Variants in TRDMT1 observed in about 807,000 individuals in gnomAD.
The protein encoded by TRDMT1 is tRNA (cytosine(38)-C(5))-methyltransferase.
A neutral mutation model predicts 51.2 loss-of-function variants in TRDMT1; 49 were observed. The observed-to-expected ratio is 0.96, with a 90% CI of 0.76 to 1.21. The LOEUF is 1.21. Among genes scored for constraint, TRDMT1 ranks in the 50% most tolerant of loss-of-function variants. TRDMT1 has a pLI of 0.00. For synonymous variants in TRDMT1, 187 were observed against 164.6 expected (o/e 1.14, Z -1.04); for missense variants, 534 against 462.3 (o/e 1.16, Z -1.42).
rs1456194169 is a variant in TRDMT1, at chr10:17,172,674, CA to C, written c.174+1876del. Among the ~76,000 whole-genome samples the C allele has an allele frequency of 3.3e-5, 5 of 151,980 alleles. No individual in the cohort carries two copies. In the East Asian group the frequency reaches 9.6e-4, roughly 29 times the overall value. On this transcript the variant is annotated intron_variant, in intron 2 of 10. Transcript: ENST00000377799. ...CACATGCAAACTTTGATCTAAAACACAAGGATAAAAAGTGCTGAAAATTGTA... is the reference window on the plus strand; with the variant it reads ...CACATGCAAACTTTGATCTAAAACACAGGATAAAAAGTGCTGAAAATTGTA...
chr10:17,147,532 T>C lies in TRDMT1; in HGVS notation c.*1508A>G. The stretch of plus-strand genomic sequence containing the variant: ...CTTTCTCATCACCCCAATCAGAAAC[T>C]TTGTATCCATTATGCACTAACTACC... On this transcript the variant is annotated 3_prime_UTR_variant, in exon 11 of 11. Transcript: ENST00000377799. 1 of 199,616 alleles carries C rather than the reference T, an allele frequency of 5.0e-6. No individual in the cohort carries two copies. The highest frequency in any genetic ancestry group is 9.0e-6 in the Non-Finnish European group (1 of 111,324). The allele number at this position is 199,616 out of a possible 1,614,324, so 12.4% of individuals were successfully genotyped here. A position where few individuals can be genotyped will look rare whatever the true frequency, so the allele number is the denominator to read the frequency against.
Position 17,148,701 on chromosome 10 carries a change from T to C in TRDMT1, c.*339A>G. 6.1e-6 allele frequency: 6 copies of C among 988,526 alleles called. No individual in the cohort carries two copies. Among genetic ancestry groups the C allele is most frequent in the Non-Finnish European group, 7.2e-6 (6 of 831,414 alleles). 61.2% of individuals were successfully genotyped at this position (988,526 alleles called of 1,614,324 possible). On this transcript the variant is annotated 3_prime_UTR_variant, in exon 11 of 11. Transcript: ENST00000377799. ...ACATAAAAATATGTTATGCCTGTTA[T>C]GACACTTCACAAGATACTCATGTAG...
intron 1 of TRDMT1, chr10:17,201,335 A>G: frequency 2.0e-6 from 1 of 500,510 alleles, no homozygotes; most frequent in Non-Finnish European, 3.5e-6. Flanking sequence ...GGGCCCTTTG[A>G]GGCGCCATGT....
intron 1 of TRDMT1, among the ~76,000 whole-genome samples, chr10:17,179,684 A>C (rs1843033337): frequency 6.6e-6 from 1 of 151,696 alleles, no homozygotes; most frequent in Non-Finnish European, 1.5e-5. Context: ...ATATTTTTGA[A>C]AGAGTTTCAA....
In TRDMT1 at chr10:17,139,514, C is replaced by A. The variant is rs1226276888; in HGVS notation, c.*9526G>T. ...AAGAAAAAAACAGTTTGGTTCTCTTCTGGGAAGGAAAATGAAAAAAAAGAA... is the reference window on the plus strand; with the variant it reads ...AAGAAAAAAACAGTTTGGTTCTCTTATGGGAAGGAAAATGAAAAAAAAGAA... On this transcript the variant is annotated 3_prime_UTR_variant, in exon 11 of 11. Coordinates refer to ENST00000377799, the MANE Select transcript of TRDMT1 (RefSeq NM_004412.7). Among the ~76,000 whole-genome samples, 1 of 151,950 alleles carries A rather than the reference C, an allele frequency of 6.6e-6. No homozygotes were observed. Among genetic ancestry groups the A allele is most frequent in the Non-Finnish European group, 1.5e-5 (1 of 67,994 alleles).
intron 3 of TRDMT1, among the ~76,000 whole-genome samples, chr10:17,166,185 G>A (rs1588565807): frequency 6.6e-6 from 1 of 152,098 alleles, no homozygotes; most frequent in Non-Finnish European, 1.5e-5. Context: ...GGAATACTAT[G>A]CAGCCATAAA....
At chr10:17,174,355 C>T (rs1842393063) in intron 2 of TRDMT1, among the ~76,000 whole-genome samples, 196 bp downstream of exon 2, 1 of 152,148 alleles carries the variant, frequency 6.6e-6, no homozygotes, top group Non-Finnish European at 1.5e-5. Flanking sequence ...TATTGATCTC[C>T]CTGTCTATAG....
At chr10:17,196,643 A>G (rs776256157) in intron 1 of TRDMT1, among the ~76,000 whole-genome samples, 1 of 152,224 alleles carries the variant, frequency 6.6e-6, no homozygotes, top group Non-Finnish European at 1.5e-5. Context: ...TAAAAATGTA[A>G]TAGACATTGT....
In TRDMT1 at chr10:17,148,047, C is replaced by T. The variant is rs537760281; in HGVS notation, c.*993G>A. On this transcript the variant is annotated 3_prime_UTR_variant, in exon 11 of 11. Transcript: ENST00000377799. ...ACTTGTTTCTTTTCATCTCTCTTCT[C>T]TTTGTCACTTGCTTTTATCACAAAC... 70 of 985,266 alleles carry T rather than the reference C, an allele frequency of 7.1e-5. No individual in the cohort carries two copies. Among genetic ancestry groups the T allele is most frequent in the Non-Finnish European group, 8.4e-5 (70 of 829,784 alleles). 61.0% of individuals were successfully genotyped at this position (985,266 alleles called of 1,614,324 possible).
rs1837481312 is a variant in TRDMT1 at position 17,138,310 on chromosome 10, T to C, written c.*10730A>G. Among the ~76,000 whole-genome samples, 1 of 152,214 alleles carries C rather than the reference T, an allele frequency of 6.6e-6. No individual in the cohort carries two copies. Among genetic ancestry groups the C allele is most frequent in the Non-Finnish European group, 1.5e-5 (1 of 68,032 alleles). On this transcript the variant is annotated 3_prime_UTR_variant, in exon 11 of 11. Coordinates refer to ENST00000377799, the MANE Select transcript of TRDMT1 (RefSeq NM_004412.7). The stretch of plus-strand genomic sequence containing the variant: ...ATCTTTTAACCTTCATGACACTTAA[T>C]TCATTCTCTTTTTCAGGGACGTAAC...
At chr10:17,193,006 C>T (rs1844900636) in intron 1 of TRDMT1, among the ~76,000 whole-genome samples, 1 of 152,106 alleles carries the variant, frequency 6.6e-6, no homozygotes, top group Non-Finnish European at 1.5e-5. Flanking sequence ...GACAAGGATG[C>T]CCATTCTCAC....
Position 17,150,761 on chromosome 10 carries a change from C to T in TRDMT1, c.1076-1621G>A, listed in dbSNP as rs557265180. On this transcript the variant is annotated intron_variant, in intron 10 of 10. Transcript: ENST00000377799. Reference sequence around the variant, plus strand: ...CATTTTATTAACTGCAATAAAATAACAGCAATTACTGTTGCAATTAAACAT... The same window carrying T: ...CATTTTATTAACTGCAATAAAATAATAGCAATTACTGTTGCAATTAAACAT... 8.1e-6 allele frequency: 8 copies of T among 984,902 alleles called. No individual in the cohort carries two copies. In the Admixed American group the frequency reaches 4.9e-4, roughly 61 times the overall value. The allele number at this position is 984,902 out of a possible 1,614,324, so 61.0% of individuals were successfully genotyped here.
intron 3 of TRDMT1, among the ~76,000 whole-genome samples, chr10:17,166,896 C>T (rs532095163): frequency 1.3e-5 from 2 of 152,264 alleles, no homozygotes; most frequent in Middle Eastern, 3.4e-3. Flanking sequence ...CACTCTTGCA[C>T]GTGCCTAGAG....
intron 2 of TRDMT1, chr10:17,169,603 C>T: frequency 1.9e-6 from 2 of 1,046,628 alleles, no homozygotes; most frequent in East Asian, 5.9e-5. Flanking sequence ...ACATTAAGCA[C>T]TCTCAGTGCA....
At position 17,163,820 on chromosome 10, in the gene TRDMT1, G is replaced by T. The variant is rs533884999; in HGVS notation, c.252-1583C>A. 1.8e-3 allele frequency among the ~76,000 whole-genome samples: 276 copies of T among 152,206 alleles called. 1 individual carries two copies. Among genetic ancestry groups the T allele is most frequent in the Non-Finnish European group, 3.3e-3 (222 of 68,022 alleles). On this transcript the variant is annotated intron_variant, in intron 3 of 10. Coordinates refer to ENST00000377799, the MANE Select transcript of TRDMT1 (RefSeq NM_004412.7). ...CACCCTCCCAAGACTAAACCAGGAA[G>T]AAGTTGAATCTCTGAATAGACCAAC...
At chr10:17,155,890 T>A (rs1839425057) in intron 8 of TRDMT1, among the ~76,000 whole-genome samples, 1 of 152,226 alleles carries the variant, frequency 6.6e-6, no homozygotes, top group South Asian at 2.1e-4. Context: ...GCCATCTTTA[T>A]AATTAGAAAA....
chr10:17,201,574 T>C lies in TRDMT1; in HGVS notation c.61A>G (p.Arg21Gly), dbSNP rs1367816793. The stretch of plus-strand genomic sequence containing the variant: ...GGGGTGCTAGATGGACTCTCACCTC[T>C]CAGCGCGTGGTGCATGCCGCCCACG... Reference protein sequence around the residue: ...SGVGGMHHALRESCIPAQVVA... With the variant: ...SGVGGMHHALGESCIPAQVVA... Residue 21 changes from arginine to glycine, a missense_variant, in exon 1 of 11, where the codon AGA becomes GGA. Arg to Gly is a moderately radical substitution (Grantham distance 125). Coordinates refer to ENST00000377799, the MANE Select transcript of TRDMT1 (RefSeq NM_004412.7). The C allele has an allele frequency of 4.0e-5, 62 of 1,549,658 alleles. No individual in the cohort carries two copies. Among genetic ancestry groups the C allele is most frequent in the Non-Finnish European group, 5.4e-5 (62 of 1,146,184 alleles).
intron 1 of TRDMT1, among the ~76,000 whole-genome samples, chr10:17,184,642 A>C (rs367791659): frequency 2.6e-5 from 4 of 152,122 alleles, no homozygotes; most frequent in African/African-American, 9.7e-5. Flanking sequence ...TCTGCTACAG[A>C]TACCTCTAAA....
Position 17,138,225 on chromosome 10 carries a change from A to G in TRDMT1, c.*10815T>C, listed in dbSNP as rs1351571336. On this transcript the variant is annotated 3_prime_UTR_variant, in exon 11 of 11. Transcript: ENST00000377799. ...TTTCATTTTCATATCAGTTTAAAACAGAACACTGTAGAATTAATCTGGTTT... is the reference window on the plus strand; with the variant it reads ...TTTCATTTTCATATCAGTTTAAAACGGAACACTGTAGAATTAATCTGGTTT... Among the ~76,000 whole-genome samples the G allele has an allele frequency of 6.6e-6, 1 of 152,234 alleles. No individual in the cohort carries two copies. The highest frequency in any genetic ancestry group is 1.5e-5 in the Non-Finnish European group (1 of 68,046).
Sources: allele counts gnomAD v4.1 joint callset (sites outside exome capture counted in the v4.1 genomes callset), GRCh38; gene constraint gnomAD v4.1.1; transcripts MANE v1.5; gene names NCBI Gene and HGNC (gene_info 2026-07-23, HGNC 2026-07-21).